The following SLC27A1 variants were observed in gnomAD, a reference collection of about 807,000 sequenced individuals.
SLC27A1 encodes the protein long-chain fatty acid transport protein 1.
In SLC27A1, 61 loss-of-function variants were observed where a neutral mutation model predicts 62.2. The ratio of observed to expected loss-of-function variants is 0.98; its 90% CI spans 0.80 to 1.21. The LOEUF (loss-of-function observed/expected upper bound fraction) is 1.21, where lower values mean the gene tolerates loss of function less well. Among genes scored for constraint, SLC27A1 ranks in the 50% most tolerant of loss-of-function variants. The probability of loss-of-function intolerance (pLI) is 0.00; values close to 1 mark genes in which losing one functional copy is unlikely to be tolerated. For missense variants in SLC27A1, 903 were observed against 932.1 expected (o/e 0.97, Z 0.41); for synonymous variants, 435 against 408.6 (o/e 1.06, Z -0.78).
At chr19:17,494,920 C>T (rs912138043) in intron 6 of SLC27A1, among the ~76,000 whole-genome samples, 2 of 151,400 alleles carry the variant, frequency 1.3e-5, no homozygotes, top group Non-Finnish European at 2.9e-5. Context: ...CGGTTTTTCA[C>T]GGTCTATTTA....
At chr19:17,502,553 C>T (rs1346482222) in intron 11 of SLC27A1, among the ~76,000 whole-genome samples, 1 of 151,042 alleles carries the variant, frequency 6.6e-6, no homozygotes, top group Non-Finnish European at 1.5e-5. Flanking sequence ...CGAGTTTTAC[C>T]ATATTGGCCA....
At position 17,486,966 on chromosome 19, in the gene SLC27A1, A is replaced by G. The variant is rs1310451675; in HGVS notation, c.562+9A>G. 1.9e-6 allele frequency: 3 copies of G among 1,559,052 alleles called. No homozygotes were observed. In the African/African-American group the frequency reaches 4.1e-5, roughly 21 times the overall value. On this transcript the variant is annotated intron_variant, in intron 2 of 11. Coordinates refer to ENST00000252595, the MANE Select transcript of SLC27A1 (RefSeq NM_198580.3). This position sits in a 1 kb window ranked among gnomAD's most constrained non-coding sequence, Gnocchi z 6.6. The stretch of plus-strand genomic sequence containing the variant: ...AGGAGAAATGGTGGCGGGTGAGGCC[A>G]GGCGTGGGCATCAGGTGGGCGGGGA...
chr19:17,493,814 C>T (rs962120627), intron 6 of SLC27A1, among the ~76,000 whole-genome samples: 9 of 151,544 alleles, frequency 5.9e-5, no homozygotes, highest in Non-Finnish European at 2.9e-5. Flanking sequence ...TTAGTAGAGA[C>T]GGGGTTTCAC....
chr19:17,497,588 A>C (rs545388720), intron 7 of SLC27A1, 124 bp downstream of exon 7: 4 of 879,330 alleles, frequency 4.5e-6, no homozygotes, highest in African/African-American at 1.7e-5. Flanking sequence ...GCCAAGGCGC[A>C]CGCAGGGCGG....
At position 17,504,451 on chromosome 19, in the gene SLC27A1, A is replaced by C. The variant is rs1213330061; in HGVS notation, c.1784-4A>C. 1.9e-6 allele frequency: 3 copies of C among 1,614,066 alleles called. No homozygotes were observed. The highest frequency in any genetic ancestry group is 8.5e-7 in the Non-Finnish European group (1 of 1,179,990). On this transcript the variant is annotated splice_region_variant and splice_polypyrimidine_tract_variant and intron_variant, in intron 11 of 11. Coordinates refer to ENST00000252595, the MANE Select transcript of SLC27A1 (RefSeq NM_198580.3). ...CCCTTATCTGCCCCCCATCCCCACTATAGGCACCTTCAAGATCCAGAAGAC... is the reference window on the plus strand; with the variant it reads ...CCCTTATCTGCCCCCCATCCCCACTCTAGGCACCTTCAAGATCCAGAAGAC...
Position 17,505,610 on chromosome 19 carries a change from C to A in SLC27A1, c.*998C>A. On this transcript the variant is annotated 3_prime_UTR_variant, in exon 12 of 12. Transcript: ENST00000252595. ...GTGACCACTTGGATGTCACCACTGT[C>A]AGCCCCTGCCTTGATGTCCCCATTT... 1 of 153,278 alleles carries A rather than the reference C, an allele frequency of 6.5e-6. No individual in the cohort carries two copies. The allele number at this position is 153,278 out of a possible 1,614,324, so 9.5% of individuals were successfully genotyped here. A position where few individuals can be genotyped will look rare whatever the true frequency, so the allele number is the denominator to read the frequency against.
In SLC27A1 at chr19:17,497,429, G is replaced by A. The variant is rs2144608972; in HGVS notation, c.1171G>A (p.Glu391Lys). ...RQIGEFYGAT[E>K]CNCSIANMDG... The stretch of plus-strand genomic sequence containing the variant: ...AATCGGGGAGTTCTACGGCGCCACC[G>A]AGTGCAACTGCAGCATTGCCAACAT... The change falls in exon 7 of 12, where the codon GAG becomes AAG. Residue 391 changes from glutamate to lysine, a missense_variant. Physicochemically the swap from Glu to Lys is moderately conservative, Grantham distance 56. Coordinates refer to ENST00000252595, the MANE Select transcript of SLC27A1 (RefSeq NM_198580.3). 1 of 1,606,334 alleles carries A rather than the reference G, an allele frequency of 6.2e-7. No homozygotes were observed. The highest frequency in any genetic ancestry group is 1.3e-5 in the African/African-American group (1 of 74,506).
At chr19:17,481,323 T>TC (rs1430855923) in intron 1 of SLC27A1, among the ~76,000 whole-genome samples, 8 of 146,956 alleles carry the variant, frequency 5.4e-5, no homozygotes, top group African/African-American at 2.0e-4. Context: ...CTTTTTTTTT[T>TC]TTTTTTTTTT....
At position 17,486,974 on chromosome 19, in the gene SLC27A1, G is replaced by T. The variant is rs779442462; in HGVS notation, c.562+17G>T. ...TGGTGGCGGGTGAGGCCAGGCGTGGGCATCAGGTGGGCGGGGACCCAGGAC... is the reference window on the plus strand; with the variant it reads ...TGGTGGCGGGTGAGGCCAGGCGTGGTCATCAGGTGGGCGGGGACCCAGGAC... On this transcript the variant is annotated intron_variant, in intron 2 of 11. Transcript: ENST00000252595. The surrounding 1 kb of genome is among the most constrained non-coding windows in gnomAD (Gnocchi z 6.6). 2 of 1,554,662 alleles carry T rather than the reference G, an allele frequency of 1.3e-6. No individual in the cohort carries two copies. Among genetic ancestry groups the T allele is most frequent in the East Asian group, 4.5e-5 (2 of 44,318 alleles).
At chr19:17,481,617 C>G (rs994994266) in intron 1 of SLC27A1, among the ~76,000 whole-genome samples, 43 of 152,238 alleles carry the variant, frequency 2.8e-4, no homozygotes, top group African/African-American at 9.9e-4. Flanking sequence ...GATCCTCCTG[C>G]TTCAGCCTTC....
chr19:17,474,923 C>CA (rs2075108565), intron 1 of SLC27A1, among the ~76,000 whole-genome samples: 1 of 106,406 alleles, frequency 9.4e-6, no homozygotes, highest in Non-Finnish European at 2.0e-5. Context: ...AGCCACTGCG[C>CA]CCTGTTTTTT....
At position 17,486,904 on chromosome 19, in the gene SLC27A1, G is replaced by C; in HGVS notation, c.509G>C (p.Cys170Ser). 6.3e-7 allele frequency: 1 copy of C among 1,591,876 alleles called. No homozygotes were observed. The highest frequency in any genetic ancestry group is 8.5e-7 in the Non-Finnish European group (1 of 1,176,170). Residue 170 changes from cysteine to serine, a missense_variant, in exon 2 of 12, where the codon TGC becomes TCC. Transcript: ENST00000252595. The surrounding 1 kb of genome is among the most constrained non-coding windows in gnomAD (Gnocchi z 6.6). ...CTGCGGCGCGAGCCCCTGGCCTTCT[G>C]CCTGGGCACCTCGGGCGCTAAGGCC... ...VNLRREPLAF[C>S]LGTSGAKALI... is the part of the protein sequence containing the mutation.
chr19:17,470,437 TGGGGGCGCGGCTCGCTGTAGAGGC>T, upstream of SLC27A1: 5 of 1,272,326 alleles, frequency 3.9e-6, no homozygotes, highest in Non-Finnish European at 5.0e-6. Flanking sequence ...AGCCGAGGCC[TGGGGGCGCGGCTCGCTGTAGAGGC>T]GGGGGCGGTC....
Position 17,504,475 on chromosome 19 carries a change from A to G in SLC27A1, c.1804A>G (p.Thr602Ala). The G allele has an allele frequency of 6.2e-7, 1 of 1,614,142 alleles. No individual in the cohort carries two copies. The highest frequency in any genetic ancestry group is 1.6e-4 in the Middle Eastern group (1 of 6,062). ...DTTGTFKIQK[T>A]RLQREGFDPR... ...TATAGGCACCTTCAAGATCCAGAAGACGAGGCTGCAGCGAGAGGGCTTTGA... is the reference window on the plus strand; with the variant it reads ...TATAGGCACCTTCAAGATCCAGAAGGCGAGGCTGCAGCGAGAGGGCTTTGA... The change falls in exon 12 of 12, where the codon ACG becomes GCG. Residue 602 changes from threonine (T) to alanine (A), a missense_variant. By Grantham distance (58) the Thr-to-Ala change is moderately conservative. Coordinates refer to ENST00000252595, the MANE Select transcript of SLC27A1 (RefSeq NM_198580.3).
intron 1 of SLC27A1, among the ~76,000 whole-genome samples, chr19:17,484,930 A>G (rs1230207732): frequency 6.7e-6 from 1 of 150,368 alleles, no homozygotes; most frequent in Non-Finnish European, 1.5e-5. Flanking sequence ...AGGCTGAAAC[A>G]GGGGCAGGTG....
intron 1 of SLC27A1, among the ~76,000 whole-genome samples, chr19:17,476,901 T>A (rs894437252): frequency 4.7e-5 from 5 of 106,056 alleles, no homozygotes; most frequent in African/African-American, 1.1e-4. Flanking sequence ...TTTTTTTTTT[T>A]TTTTTGAGAC....
intron 6 of SLC27A1, among the ~76,000 whole-genome samples, chr19:17,490,466 T>TAA (rs146648372): frequency 6.6e-5 from 10 of 151,848 alleles, no homozygotes; most frequent in South Asian, 2.1e-4. Context: ...AAATTATCTT[T>TAA]TAAAAAAAAT....
rs11332045 is a variant in SLC27A1, at chr19:17,476,537, C to CA, written c.167+5847dup. ...TGGGTGACAGAGTGAGACTCTGTCT[C>CA]AAAAAAAAAAAAAAAAAGGAAAAAA... On this transcript the variant is annotated intron_variant, in intron 1 of 11. Coordinates refer to ENST00000252595, the MANE Select transcript of SLC27A1 (RefSeq NM_198580.3). 6.0e-3 allele frequency among the ~76,000 whole-genome samples: 577 copies of CA among 95,970 alleles called. 4 individuals are homozygous for CA. The highest frequency in any genetic ancestry group is 0.051 in the Middle Eastern group (10 of 198). 63.0% of individuals were successfully genotyped at this position (95,970 alleles called of 152,430 possible).
chr19:17,489,325 C>G (rs2075272420), intron 6 of SLC27A1, among the ~76,000 whole-genome samples: 1 of 152,120 alleles, frequency 6.6e-6, no homozygotes, highest in Non-Finnish European at 1.5e-5. Flanking sequence ...CCCTCCTGTC[C>G]ACCTGCTGGC....
Sources: gnomAD v4.1 joint callset for allele counts (sites outside exome capture counted in the v4.1 genomes callset) on GRCh38, gnomAD v4.1.1 for gene constraint, Gnocchi (gnomAD v3.1) non-coding constraint, MANE v1.5 for transcripts, NCBI Gene and HGNC (gene_info 2026-07-23, HGNC 2026-07-21) for gene names.